PPP2R2B: variants seen among roughly 807,000 people sequenced by gnomAD.
PPP2R2B encodes serine/threonine-protein phosphatase 2A 55 kDa regulatory subunit B beta isoform.
Under a neutral mutation model 46.0 loss-of-function variants are expected in PPP2R2B, and 5 were observed. The ratio of observed to expected loss-of-function variants is 0.11; its 90% CI spans 0.06 to 0.23. The LOEUF is 0.23. PPP2R2B is among the 10% of genes least tolerant of loss of function. PPP2R2B has a pLI of 1.00. For missense variants in PPP2R2B, 367 were observed against 575.0 expected (o/e 0.64, Z 3.70); for synonymous variants, 215 against 206.7 (o/e 1.04, Z -0.34).
intron 1 of PPP2R2B, among the ~76,000 whole-genome samples, chr5:146,970,082 C>T (rs1456164857): frequency 6.6e-6 from 1 of 152,172 alleles, no homozygotes; most frequent in East Asian, 1.9e-4. Context: ...CATCCACCCT[C>T]TTTACATCCT....
At chr5:146,616,701 G>T (rs1336390154) in intron 7 of PPP2R2B, among the ~76,000 whole-genome samples, 1 of 152,106 alleles carries the variant, frequency 6.6e-6, no homozygotes, top group East Asian at 1.9e-4. Context: ...TAGTTAAAAT[G>T]GCTTTCATCT....
chr5:146,699,133 G>C (rs1779389528), intron 3 of PPP2R2B, among the ~76,000 whole-genome samples: 1 of 152,168 alleles, frequency 6.6e-6, no homozygotes. Context: ...ATAAAAGCTT[G>C]ACTCTTAATA....
chr5:146,796,641 T>A (rs548770921), intron 2 of PPP2R2B, among the ~76,000 whole-genome samples: 12 of 152,252 alleles, frequency 7.9e-5, no homozygotes, highest in Non-Finnish European at 1.6e-4. Flanking sequence ...TAATAAGGAT[T>A]TGCTGAATGA....
At chr5:146,823,069 A>G (rs1758365082) in intron 2 of PPP2R2B, among the ~76,000 whole-genome samples, 1 of 152,204 alleles carries the variant, frequency 6.6e-6, no homozygotes, top group South Asian at 2.1e-4. Context: ...GTGAACCAAA[A>G]GGTTACACAT....
chr5:146,695,583 G>T (rs1338526381), intron 4 of PPP2R2B, among the ~76,000 whole-genome samples: 1 of 152,120 alleles, frequency 6.6e-6, no homozygotes, highest in East Asian at 1.9e-4. Flanking sequence ...AATTCCCCAT[G>T]GTTGGGTTGC....
At chr5:146,987,197 C>A (rs2151859262) in intron 1 of PPP2R2B, among the ~76,000 whole-genome samples, 1 of 152,204 alleles carries the variant, frequency 6.6e-6, no homozygotes, top group East Asian at 1.9e-4. Flanking sequence ...CTTTCTCAGA[C>A]AAACAAAAGT....
chr5:146,949,113 G>C (rs1300822710), intron 1 of PPP2R2B, among the ~76,000 whole-genome samples: 1 of 152,054 alleles, frequency 6.6e-6, no homozygotes, highest in Admixed American at 6.6e-5. Flanking sequence ...ACATGTGCTA[G>C]GTACTTACAG....
At chr5:146,704,983 T>C (rs1453141842) in intron 2 of PPP2R2B, among the ~76,000 whole-genome samples, 1 of 152,144 alleles carries the variant, frequency 6.6e-6, no homozygotes, top group Non-Finnish European at 1.5e-5. Context: ...TTAGGTGATA[T>C]ACAACTCACA....
In PPP2R2B at chr5:146,701,151, A is replaced by G; in HGVS notation, c.71-9T>C. On this transcript the variant is annotated splice_polypyrimidine_tract_variant and intron_variant, in intron 2 of 9. Coordinates refer to ENST00000394411, the MANE Select transcript of PPP2R2B (RefSeq NM_181675.4). ...CGTAGAGATAATGTCAGCTGCAAAG[A>G]AGAAGACAAAGGCAATTTAAGTAAC... The G allele has an allele frequency of 6.2e-7, 1 of 1,602,606 alleles. No homozygotes were observed. Among genetic ancestry groups the G allele is most frequent in the Non-Finnish European group, 8.6e-7 (1 of 1,169,476 alleles).
intron 1 of PPP2R2B, among the ~76,000 whole-genome samples, chr5:147,000,022 C>T (rs1006009882): frequency 6.6e-5 from 10 of 152,212 alleles, no homozygotes; most frequent in Admixed American, 5.2e-4. Context: ...AAAAAAAATT[C>T]TCAGGTGCTA....
At chr5:146,656,472 T>A (rs367822326) in intron 5 of PPP2R2B, 2 of 152,030 alleles carry the variant, frequency 1.3e-5, no homozygotes, top group Admixed American at 1.3e-4. Flanking sequence ...CCACTACTGA[T>A]CAATACGGGA....
intron 2 of PPP2R2B, among the ~76,000 whole-genome samples, chr5:146,725,150 G>A (rs1303823822): frequency 6.6e-6 from 1 of 152,108 alleles, no homozygotes. Flanking sequence ...ACTTAGTCAT[G>A]CCTGGAGCCT....
At chr5:147,079,759 G>C (rs929745977) in intron 2 of PPP2R2B, among the ~76,000 whole-genome samples, 1 of 151,954 alleles carries the variant, frequency 6.6e-6, no homozygotes, top group African/African-American at 2.4e-5. Context: ...AATAAGTTTT[G>C]TTCTATAGCA....
intron 2 of PPP2R2B, among the ~76,000 whole-genome samples, chr5:146,713,409 A>T (rs1780313450): frequency 2.6e-5 from 4 of 152,224 alleles, no homozygotes; most frequent in African/African-American, 9.6e-5. Flanking sequence ...AATGTATTTG[A>T]TGCCACCAAA....
At chr5:146,727,303 G>GT (rs11464005) in intron 2 of PPP2R2B, among the ~76,000 whole-genome samples, 30,420 of 147,086 alleles carry the variant, frequency 0.21, 4,624 homozygotes, top group African/African-American at 0.42. Flanking sequence ...TATGAGAGGT[G>GT]TTTTTTTTTT....
At chr5:146,828,741 AT>A (rs1317857465) in intron 2 of PPP2R2B, among the ~76,000 whole-genome samples, 3 of 152,282 alleles carry the variant, frequency 2.0e-5, no homozygotes, top group South Asian at 2.1e-4. Context: ...TCTCTGAAGA[AT>A]TTTTTTCCCC....
intron 1 of PPP2R2B, among the ~76,000 whole-genome samples, chr5:146,890,307 C>A (rs1272372042): frequency 6.6e-6 from 1 of 152,206 alleles, no homozygotes; most frequent in Non-Finnish European, 1.5e-5. Context: ...CTGTATCAGT[C>A]CTCCTGAGCC....
intron 2 of PPP2R2B, among the ~76,000 whole-genome samples, chr5:146,728,138 C>CTT (rs757396751): frequency 0.17 from 13,689 of 82,402 alleles, 1,911 homozygotes; most frequent in East Asian, 0.35. Flanking sequence ...GAAACACTTA[C>CTT]TTTTTTTTTT....
At position 146,878,713 on chromosome 5, in the gene PPP2R2B, A is replaced by G. The variant is rs1194855821; in HGVS notation, c.-247T>C. 9.2e-7 allele frequency: 1 copy of G among 1,082,316 alleles called. No homozygotes were observed. The highest frequency in any genetic ancestry group is 1.2e-6 in the Non-Finnish European group (1 of 858,668). 67.0% of individuals were successfully genotyped at this position (1,082,316 alleles called of 1,614,324 possible). A position where few individuals can be genotyped will look rare whatever the true frequency, so the allele number is the denominator to read the frequency against. ...CCAGCGCACTCACCCTCACACCCAC[A>G]CGCGCGCACTCGCAGCTGCTGCTGC... On this transcript the variant is annotated 5_prime_UTR_variant, in exon 1 of 10. Transcript: ENST00000394411. The surrounding 1 kb of genome is among the most constrained non-coding windows in gnomAD (Gnocchi z 4.5).
Sources: allele counts gnomAD v4.1 joint callset (sites outside exome capture counted in the v4.1 genomes callset), GRCh38; gene constraint gnomAD v4.1.1; non-coding constraint Gnocchi (gnomAD v3.1); transcripts MANE v1.5; gene names NCBI Gene and HGNC (gene_info 2026-07-23, HGNC 2026-07-21).